The following ADAM22 variants were observed in gnomAD, a reference collection of about 807,000 sequenced individuals.
The protein encoded by ADAM22 is ADAM metallopeptidase domain 22.
ADAM22 carries 65 observed loss-of-function variants against 144.6 expected under a neutral mutation model. The ratio of observed to expected loss-of-function variants is 0.45; its 90% confidence interval spans 0.37 to 0.55. The LOEUF is 0.55. ADAM22 is among the 20% of genes least tolerant of loss of function. ADAM22 has a pLI of 0.00. For synonymous variants in ADAM22, 391 were observed against 412.6 expected (o/e 0.95, Z 0.63); for missense variants, 974 against 1,184.9 (o/e 0.82, Z 2.61).
At chr7:87,967,506 G>A (rs528010125) in intron 2 of ADAM22, among the ~76,000 whole-genome samples, 47 of 151,948 alleles carry the variant, frequency 3.1e-4, no homozygotes, top group South Asian at 8.3e-4. Flanking sequence ...TCCTTTTCAT[G>A]CCTCATTTAA....
chr7:88,009,140 A>T (rs940775572), intron 3 of ADAM22, among the ~76,000 whole-genome samples: 1 of 152,126 alleles, frequency 6.6e-6, no homozygotes, highest in Non-Finnish European at 1.5e-5. Context: ...TGGCATTTCA[A>T]GTTTTGAGGG....
chr7:88,099,564 C>T (rs1488513098), intron 4 of ADAM22, among the ~76,000 whole-genome samples: 2 of 152,052 alleles, frequency 1.3e-5, no homozygotes, highest in African/African-American at 4.8e-5. Flanking sequence ...AAAGGATAGT[C>T]CAGAAGAATC....
intron 31 of ADAM22, among the ~76,000 whole-genome samples, 160 bp from the exon 32 acceptor site, chr7:88,196,311 G>A (rs763631146): frequency 6.6e-6 from 1 of 152,226 alleles, no homozygotes; most frequent in South Asian, 2.1e-4. Context: ...AGAGCTAAAA[G>A]TTGGAGTGTT....
At chr7:87,975,976 T>G (rs1472184429) in intron 2 of ADAM22, among the ~76,000 whole-genome samples, 1 of 152,192 alleles carries the variant, frequency 6.6e-6, no homozygotes, top group Non-Finnish European at 1.5e-5. Context: ...TCCATTGACA[T>G]CACATTAAAA....
At chr7:88,062,316 C>T (rs967936288) in intron 3 of ADAM22, among the ~76,000 whole-genome samples, 14 of 152,336 alleles carry the variant, frequency 9.2e-5, no homozygotes, top group African/African-American at 3.4e-4. Flanking sequence ...GGCAGCTTCT[C>T]CATCAGCACT....
chr7:87,951,085 A>G (rs902479966), intron 2 of ADAM22, among the ~76,000 whole-genome samples: 28 of 152,170 alleles, frequency 1.8e-4, no homozygotes, highest in Middle Eastern at 3.4e-3. Flanking sequence ...CCCATTCTGT[A>G]GGTTGCCTGT....
chr7:87,978,354 G>A lies in ADAM22; in HGVS notation c.265G>A (p.Ala89Thr). 1.9e-6 allele frequency: 3 copies of A among 1,613,348 alleles called. No homozygotes were observed. The highest frequency in any genetic ancestry group is 2.5e-6 in the Non-Finnish European group (3 of 1,179,704). The change falls in exon 3 of 32, where the codon GCA becomes ACA. Residue 89 changes from alanine to threonine, a missense_variant. By Grantham distance (58) the Ala-to-Thr change is moderately conservative. Around this residue, in one of 2 missense-constraint regions of ADAM22, gnomAD observed 240 missense variants for 234.3 expected, o/e 1.02. Coordinates refer to ENST00000413139, the MANE Select transcript of ADAM22 (RefSeq NM_001324418.2). ...ATTGTAGTTGACTCATGTTGACCAA[G>A]CAAGCTTCCAGGTTGATGCCTTTGG... ...GGPQLTHVDQ[A>T]SFQVDAFGTS...
At chr7:88,047,232 C>G (rs1357990217) in intron 3 of ADAM22, among the ~76,000 whole-genome samples, 2 of 152,212 alleles carry the variant, frequency 1.3e-5, no homozygotes, top group Non-Finnish European at 2.9e-5. Context: ...AACTTAAACT[C>G]TCAGGCAGGC....
intron 3 of ADAM22, among the ~76,000 whole-genome samples, chr7:88,050,703 GT>G (rs1806077680): frequency 1.3e-5 from 2 of 152,064 alleles, no homozygotes; most frequent in Non-Finnish European, 2.9e-5. Flanking sequence ...TTTTGATGGG[GT>G]TGTTTGTTTT....
chr7:87,968,603 C>A (rs573895112), intron 2 of ADAM22, among the ~76,000 whole-genome samples: 1 of 152,108 alleles, frequency 6.6e-6, no homozygotes, highest in South Asian at 2.1e-4. Flanking sequence ...TGCTTATAGT[C>A]CCAGCTACTC....
chr7:88,121,005 C>A (rs1439277839), intron 7 of ADAM22, among the ~76,000 whole-genome samples: 1 of 151,788 alleles, frequency 6.6e-6, no homozygotes, highest in Non-Finnish European at 1.5e-5. Flanking sequence ...ATTTTAATAC[C>A]ATTTGTTGAA....
chr7:88,152,847 T>A (rs192637721), intron 20 of ADAM22, among the ~76,000 whole-genome samples: 3 of 152,022 alleles, frequency 2.0e-5, no homozygotes, highest in East Asian at 3.9e-4. Flanking sequence ...CCCAGCTAAT[T>A]TTTTTTGTAT....
At chr7:88,084,447 C>T (rs1421814716) in intron 4 of ADAM22, among the ~76,000 whole-genome samples, 1 of 152,160 alleles carries the variant, frequency 6.6e-6, no homozygotes, top group Non-Finnish European at 1.5e-5. Context: ...CCTGTCACCT[C>T]CATTTGTTTC....
In ADAM22 at chr7:88,028,510, G is replaced by A. The variant is rs556978951; in HGVS notation, c.324-47116G>A. 4.6e-5 allele frequency among the ~76,000 whole-genome samples: 7 copies of A among 152,110 alleles called. No individual in the cohort carries two copies. In the South Asian group the frequency reaches 1.2e-3, roughly 27 times the overall value. ...CTATTAAGTCCATTTGTTCTATAAT[G>A]CAGATTAAGTCTGATGTTTCCTTGT... On this transcript the variant is annotated intron_variant, in intron 3 of 31. Transcript: ENST00000413139.
At chr7:88,120,657 C>A (rs1829063688) in intron 7 of ADAM22, among the ~76,000 whole-genome samples, 1 of 152,144 alleles carries the variant, frequency 6.6e-6, no homozygotes, top group East Asian at 1.9e-4. Context: ...TGTAGGAGTA[C>A]TTACATATTC....
intron 4 of ADAM22, among the ~76,000 whole-genome samples, chr7:88,078,677 G>C (rs1024151736): frequency 1.3e-5 from 2 of 152,216 alleles, no homozygotes; most frequent in Non-Finnish European, 2.9e-5. Flanking sequence ...TGAAAACCAT[G>C]GCACGAGAAC....
At chr7:88,190,069 CT>C (rs1849272831) in intron 30 of ADAM22, among the ~76,000 whole-genome samples, 1 of 152,206 alleles carries the variant, frequency 6.6e-6, no homozygotes, top group African/African-American at 2.4e-5. Context: ...GGTTTTTAGC[CT>C]GTCCTTGGGT....
rs148542784 is a variant in ADAM22 at position 88,142,026 on chromosome 7, T to A, written c.1221-1000T>A. 1.1e-4 allele frequency among the ~76,000 whole-genome samples: 17 copies of A among 152,326 alleles called. No homozygotes were observed. The East Asian group carries it at 3.1e-3, about 28-fold the overall frequency. ...TTTTTTCTATTGACCTTTTATTAGT[T>A]TTTTTAAGAATACATTTTTTTAAAA... On this transcript the variant is annotated intron_variant, in intron 14 of 31. Coordinates refer to ENST00000413139, the MANE Select transcript of ADAM22 (RefSeq NM_001324418.2).
intron 3 of ADAM22, among the ~76,000 whole-genome samples, chr7:88,061,173 T>C (rs760998347): frequency 2.8e-4 from 43 of 152,196 alleles, no homozygotes; most frequent in Non-Finnish European, 2.4e-4. Flanking sequence ...ATCTTCAGAC[T>C]ACATGTCTAA....
Sources: gnomAD v4.1 joint callset for allele counts (sites outside exome capture counted in the v4.1 genomes callset) on GRCh38, gnomAD v4.1.1 for gene constraint, gnomAD v4.1.1 regional missense constraint, MANE v1.5 for transcripts, NCBI Gene and HGNC (gene_info 2026-07-23, HGNC 2026-07-21) for gene names.